CSF1R: variants seen among roughly 807,000 people sequenced by gnomAD.
The protein encoded by CSF1R is macrophage colony-stimulating factor 1 receptor.
In CSF1R, 40 loss-of-function variants were observed where a neutral mutation model predicts 110.0. That is an observed-to-expected ratio of 0.36 (90% CI 0.28 to 0.47). The LOEUF is 0.47. Ranked by LOEUF, CSF1R falls within the 20% of genes least tolerant of loss-of-function variation. The pLI, the probability that CSF1R is intolerant of heterozygous loss-of-function variation, is 0.99. For missense variants in CSF1R, 1,052 were observed against 1,253.0 expected (o/e 0.84, Z 2.42); for synonymous variants, 523 against 503.4 (o/e 1.04, Z -0.52).
intron 5 of CSF1R, among the ~76,000 whole-genome samples, chr5:150,074,474 C>T (rs1758174822): frequency 6.6e-6 from 1 of 151,944 alleles, no homozygotes; most frequent in Admixed American, 6.6e-5. Flanking sequence ...CGCCCAGCTA[C>T]TAACTAGTTT....
At chr5:150,069,411 G>A (rs1373850512) in intron 9 of CSF1R, among the ~76,000 whole-genome samples, 1 of 152,212 alleles carries the variant, frequency 6.6e-6, no homozygotes, top group Non-Finnish European at 1.5e-5. Flanking sequence ...GACTGTGTCT[G>A]GAGCAAGAGG....
At chr5:150,091,851 C>CAAAAAAAAAAAA (rs1759052108) in intron 1 of CSF1R, among the ~76,000 whole-genome samples, 1 of 40,444 alleles carries the variant, frequency 2.5e-5, no homozygotes, top group African/African-American at 1.3e-4. Context: ...ACCCATACTA[C>CAAAAAAAAAAAA]CAAAAAAAAA....
At chr5:150,074,722 T>C (rs1581313505) in intron 5 of CSF1R, among the ~76,000 whole-genome samples, 1 of 152,160 alleles carries the variant, frequency 6.6e-6, no homozygotes. Context: ...TACACTGATA[T>C]ATGTCTACTC....
At chr5:150,086,333 T>C in intron 1 of CSF1R, 46 bp downstream of exon 1, 2 of 1,563,418 alleles carry the variant, frequency 1.3e-6, no homozygotes, top group Non-Finnish European at 1.7e-6. Context: ...AGGGGTCTTC[T>C]CCATCACACC....
At chr5:150,061,667 G>A (rs752039922) in intron 11 of CSF1R, 56 bp downstream of exon 11, 37 of 1,614,030 alleles carry the variant, frequency 2.3e-5, no homozygotes, top group Non-Finnish European at 2.9e-5. Context: ...TGGGCTCCCT[G>A]CAACCCCCAC....
At chr5:150,086,068 G>T (rs538569025) in intron 1 of CSF1R, among the ~76,000 whole-genome samples, 1 of 152,232 alleles carries the variant, frequency 6.6e-6, no homozygotes, top group East Asian at 1.9e-4. Flanking sequence ...CTGTCCCCCT[G>T]CCCCCAACAC....
intron 5 of CSF1R, 76 bp downstream of exon 5, chr5:150,077,200 G>T (rs751163656): frequency 6.3e-7 from 1 of 1,579,420 alleles, no homozygotes; most frequent in Non-Finnish European, 8.7e-7. Context: ...CCTGACATCA[G>T]CTTCCTCCTC....
chr5:150,078,349 C>A, intron 3 of CSF1R, 101 bp from the exon 4 acceptor site: 1 of 1,409,748 alleles, frequency 7.1e-7, no homozygotes, highest in Non-Finnish European at 9.5e-7. Flanking sequence ...GGCCAGGGTC[C>A]CCATCACTGC....
intron 1 of CSF1R, among the ~76,000 whole-genome samples, chr5:150,104,807 C>T (rs541045764): frequency 3.9e-5 from 6 of 151,958 alleles, no homozygotes; most frequent in African/African-American, 1.4e-4. Context: ...GCCAAAGCCC[C>T]GTGAGTAGGA....
intron 1 of CSF1R, chr5:150,098,344 G>A (rs1759289765): frequency 6.6e-6 from 1 of 151,954 alleles, no homozygotes; most frequent in African/African-American, 2.4e-5. Context: ...GAGGGTTATG[G>A]AAAGATTTCT....
Position 150,081,107 on chromosome 5 carries a change from C to G in CSF1R, c.50-83G>C, listed in dbSNP as rs905275656. On this transcript the variant is annotated intron_variant, in intron 1 of 20. Transcript: ENST00000675795. ...GTCCTGACTCTGAGATGGGTGGTAG[C>G]TTGGCAGGGATGGTGCTGTGCCATC... is the stretch of plus-strand genomic sequence containing the variant. The G allele has an allele frequency of 3.8e-5, 58 of 1,508,714 alleles. No individual in the cohort carries two copies. The Middle Eastern group carries it at 8.9e-4, about 23-fold the overall frequency. 93.5% of individuals were successfully genotyped at this position (1,508,714 alleles called of 1,614,324 possible).
chr5:150,065,501 G>A (rs887600023), intron 10 of CSF1R, among the ~76,000 whole-genome samples: 3 of 152,218 alleles, frequency 2.0e-5, no homozygotes, highest in Admixed American at 2.0e-4. Flanking sequence ...CAGCCCTGAG[G>A]CAGAACAAAC....
intron 9 of CSF1R, 73 bp downstream of exon 9, chr5:150,069,800 G>A: frequency 7.9e-7 from 1 of 1,273,438 alleles, no homozygotes; most frequent in African/African-American, 1.6e-5. Context: ...GGGGGGTGGG[G>A]GAGGAGCCGC....
intron 1 of CSF1R, among the ~76,000 whole-genome samples, chr5:150,092,600 T>C (rs1480591695): frequency 6.6e-6 from 1 of 152,158 alleles, no homozygotes; most frequent in Non-Finnish European, 1.5e-5. Flanking sequence ...CAGAATCACA[T>C]CCAACATGAT....
chr5:150,088,519 CTTTT>C (rs528725145), upstream of CSF1R, among the ~76,000 whole-genome samples: 6 of 146,152 alleles, frequency 4.1e-5, no homozygotes, highest in Admixed American at 2.1e-4. Flanking sequence ...CAAACCAAAT[CTTTT>C]TTTTTTTTTC....
rs1369244827 is a variant in CSF1R at position 150,080,883 on chromosome 5, C to A, written c.191G>T (p.Gly64Val). ...GTTGGTGCTGAGGATGCTGCTGGAG[C>A]CATCAGAGTACAGGGTCCAGTGAGG... ...PSPHWTLYSD[G>V]SSSILSTNNA... Residue 64 changes from glycine (G) to valine (V), a missense_variant, in exon 2 of 21, where the codon GGC (glycine) becomes GTC (valine). Coordinates refer to ENST00000675795, the MANE Select transcript of CSF1R (RefSeq NM_001288705.3). 6.2e-7 allele frequency: 1 copy of A among 1,614,162 alleles called. No homozygotes were observed. Among genetic ancestry groups the A allele is most frequent in the Admixed American group, 1.7e-5 (1 of 60,024 alleles).
chr5:150,101,527 G>C (rs1304807495), intron 1 of CSF1R, among the ~76,000 whole-genome samples: 2 of 152,170 alleles, frequency 1.3e-5, no homozygotes, highest in Admixed American at 1.3e-4. Flanking sequence ...AGAGAAAGAA[G>C]GGCATCTGAA....
At chr5:150,091,783 G>A (rs980314261) in intron 1 of CSF1R, among the ~76,000 whole-genome samples, 2 of 128,600 alleles carry the variant, frequency 1.6e-5, no homozygotes, top group African/African-American at 2.9e-5. Flanking sequence ...CTCAAAAAAA[G>A]AGAAGGGATA....
chr5:150,096,152 G>C (rs1465340309), intron 1 of CSF1R, among the ~76,000 whole-genome samples: 2 of 152,196 alleles, frequency 1.3e-5, no homozygotes, highest in Non-Finnish European at 2.9e-5. Flanking sequence ...CACTTTGGGA[G>C]ACCGAGGCGG....
Sources: allele counts gnomAD v4.1 joint callset (sites outside exome capture counted in the v4.1 genomes callset), GRCh38; gene constraint gnomAD v4.1.1; transcripts MANE v1.5; gene names NCBI Gene and HGNC (gene_info 2026-07-23, HGNC 2026-07-21).